Variants in EFCAB12 observed in about 807,000 individuals in gnomAD.
The protein encoded by EFCAB12 is EF-hand calcium-binding domain-containing protein 12.
Under a neutral mutation model 53.6 loss-of-function variants are expected in EFCAB12, and 43 were observed. That is an observed-to-expected ratio of 0.80 (90% CI 0.63 to 1.03). The LOEUF (loss-of-function observed/expected upper bound fraction) is 1.03. Among genes scored for constraint, EFCAB12 ranks in the 50% least tolerant of loss-of-function variants. The pLI is 0.00. For synonymous variants in EFCAB12, 269 were observed against 289.2 expected, an observed-to-expected ratio of 0.93 and a Z score of 0.71; for missense variants, 646 against 730.6, an observed-to-expected ratio of 0.88 and a Z score of 1.34.
At chr3:129,427,223 CA>C (rs2072284633) in intron 1 of EFCAB12, among the ~76,000 whole-genome samples, 1 of 152,112 alleles carries the variant, frequency 6.6e-6, no homozygotes, top group African/African-American at 2.4e-5. Flanking sequence ...CTCCTGGGCT[CA>C]AGCAATCCTC....
intron 2 of EFCAB12, among the ~76,000 whole-genome samples, chr3:129,420,688 G>T (rs968551466): frequency 6.6e-6 from 1 of 152,114 alleles, no homozygotes; most frequent in Non-Finnish European, 1.5e-5. Context: ...ATCCCTTTTG[G>T]GGTGATTTTA....
At chr3:129,413,425 A>G (rs1322152667) in intron 4 of EFCAB12, 2 of 147,924 alleles carry the variant, frequency 1.4e-5, no homozygotes, top group Admixed American at 6.8e-5. Flanking sequence ...CCCTCATACA[A>G]TGGGCCCCAG....
chr3:129,408,730 G>A lies in EFCAB12; in HGVS notation c.1164C>T (p.Arg388=), dbSNP rs2071987271. The change falls in exon 6 of 9, where the codon CGC becomes CGT. Residue 388 remains arginine, a synonymous_variant. Transcript: ENST00000505956. ...GDMRELIDSA[R]RHNFLVYLQC... ...GCAGGTAGACCAGAAAGTTGTGCCTGCGGGCCGAGTCAATGAGCTCCCTCA... is the reference window on the plus strand; with the variant it reads ...GCAGGTAGACCAGAAAGTTGTGCCTACGGGCCGAGTCAATGAGCTCCCTCA... 1 of 1,585,332 alleles carries A rather than the reference G, an allele frequency of 6.3e-7. No individual in the cohort carries two copies. The highest frequency in any genetic ancestry group is 1.2e-5 in the South Asian group (1 of 86,742).
At chr3:129,402,093 A>G (rs2071879827) in intron 8 of EFCAB12, among the ~76,000 whole-genome samples, 1 of 152,236 alleles carries the variant, frequency 6.6e-6, no homozygotes, top group African/African-American at 2.4e-5. Context: ...TGCAGGCTTC[A>G]TTCCTTGTCC....
intron 4 of EFCAB12, chr3:129,412,471 T>TAGACAGAC (rs200958340): frequency 5.4e-5 from 7 of 129,506 alleles, no homozygotes; most frequent in East Asian, 4.2e-4. Flanking sequence ...GATAGATAGA[T>TAGACAGAC]AGATAGACAG....
chr3:129,425,746 T>C (rs2072263074), intron 1 of EFCAB12, among the ~76,000 whole-genome samples: 1 of 152,144 alleles, frequency 6.6e-6, no homozygotes, highest in African/African-American at 2.4e-5. Context: ...TGTGACAATG[T>C]TCCTAGGAAA....
chr3:129,428,356 T>G (rs1030549303), intron 1 of EFCAB12, 84 bp downstream of exon 1: 6 of 1,533,170 alleles, frequency 3.9e-6, no homozygotes, highest in Non-Finnish European at 4.4e-6. Flanking sequence ...ACAATATCTG[T>G]GGCTGAGTTT....
At chr3:129,418,941 A>C (rs1299334438) in intron 2 of EFCAB12, among the ~76,000 whole-genome samples, 1 of 152,092 alleles carries the variant, frequency 6.6e-6, no homozygotes, top group Non-Finnish European at 1.5e-5. Flanking sequence ...ATAATCTTCT[A>C]CCTTGGTGCA....
At chr3:129,406,866 GTTTT>G in intron 6 of EFCAB12, among the ~76,000 whole-genome samples, 1 of 140,942 alleles carries the variant, frequency 7.1e-6, no homozygotes, top group East Asian at 2.1e-4. Flanking sequence ...ATTTTGGTGG[GTTTT>G]TTTTTTTTTT....
At chr3:129,411,496 C>A in intron 4 of EFCAB12, 142 bp from the exon 5 acceptor site, 1 of 716,232 alleles carries the variant, frequency 1.4e-6, no homozygotes, top group Non-Finnish European at 2.2e-6. Flanking sequence ...GCAGTGCCCA[C>A]CTAAGCCACC....
intron 3 of EFCAB12, among the ~76,000 whole-genome samples, chr3:129,416,691 C>T (rs183148769): frequency 4.0e-4 from 61 of 152,218 alleles, no homozygotes; most frequent in African/African-American, 1.4e-3. Context: ...GCTCTGTCAC[C>T]CAGGCTGGAG....
chr3:129,401,433 G>T lies in EFCAB12; in HGVS notation c.*160C>A. 1 of 1,013,044 alleles carries T rather than the reference G, an allele frequency of 9.9e-7. No individual in the cohort carries two copies. Among genetic ancestry groups the T allele is most frequent in the Non-Finnish European group, 1.4e-6 (1 of 717,038 alleles). 62.8% of individuals were successfully genotyped at this position (1,013,044 alleles called of 1,614,324 possible). ...GACACATCTACCCTCTGAGACACTG[G>T]ACACTTTGAGTCCAGAGGGAACTGG... On this transcript the variant is annotated 3_prime_UTR_variant, in exon 9 of 9. Transcript: ENST00000505956.
intron 7 of EFCAB12, 56 bp from the exon 8 acceptor site, chr3:129,402,635 G>T (rs1010882981): frequency 1.3e-5 from 20 of 1,561,154 alleles, no homozygotes; most frequent in African/African-American, 2.7e-5. Flanking sequence ...GGCCAATGGG[G>T]CTTTAGGGAG....
Position 129,418,375 on chromosome 3 carries a change from A to T in EFCAB12, c.560T>A (p.Leu187Gln). The T allele has an allele frequency of 6.2e-7, 1 of 1,613,688 alleles. No individual in the cohort carries two copies. The highest frequency in any genetic ancestry group is 1.1e-5 in the South Asian group (1 of 91,014). The change falls in exon 3 of 9, where the codon CTG becomes CAG. Residue 187 changes from leucine (L) to glutamine (Q), a missense_variant. Coordinates refer to ENST00000505956, the MANE Select transcript of EFCAB12 (RefSeq NM_207307.3). ...ATGCAGGTAGGAGTACATGACCGAC[A>T]GGGCAGGGGGCTCGGGCAGCTGGAG... is the stretch of plus-strand genomic sequence containing the variant. ...PQLQLPEPPALSVMYSYLHSR... is the reference protein window; with the variant it reads ...PQLQLPEPPAQSVMYSYLHSR...
intron 8 of EFCAB12, among the ~76,000 whole-genome samples, chr3:129,402,061 G>A (rs748311868): frequency 2.6e-5 from 4 of 152,212 alleles, no homozygotes; most frequent in Non-Finnish European, 5.9e-5. Flanking sequence ...GGAGGCCGTC[G>A]CACACTGAGC....
At chr3:129,404,068 C>T (rs1047655570) in intron 7 of EFCAB12, 182 bp downstream of exon 7, 10 of 691,440 alleles carry the variant, frequency 1.4e-5, no homozygotes, top group African/African-American at 3.6e-5. Flanking sequence ...CTGAGACATG[C>T]GCCAAGGGTG....
At chr3:129,416,906 C>T (rs1215836973) in intron 3 of EFCAB12, among the ~76,000 whole-genome samples, 1 of 152,136 alleles carries the variant, frequency 6.6e-6, no homozygotes, top group East Asian at 1.9e-4. Flanking sequence ...CTCACTTTGG[C>T]CTTCCAAAGT....
intron 1 of EFCAB12, among the ~76,000 whole-genome samples, chr3:129,423,481 AGCCGGGCATGGTGGT>A (rs2072214235): frequency 1.3e-5 from 2 of 151,750 alleles, no homozygotes; most frequent in African/African-American, 4.8e-5. Context: ...TTTAAAAACT[AGCCGGGCATGGTGGT>A]GCACGCCTGT....
chr3:129,417,338 AAC>A (rs796417318), intron 3 of EFCAB12, among the ~76,000 whole-genome samples: 6,677 of 141,064 alleles, frequency 0.047, 732 homozygotes, highest in East Asian at 0.41. Context: ...AAAAAAAAAA[AAC>A]CAAAAAAAAA....
Sources: gnomAD v4.1 joint callset for allele counts (sites outside exome capture counted in the v4.1 genomes callset) on GRCh38, gnomAD v4.1.1 for gene constraint, MANE v1.5 for transcripts, NCBI Gene and HGNC (gene_info 2026-07-23, HGNC 2026-07-21) for gene names.